The following UNC13C variants were observed in gnomAD, a reference collection of about 807,000 sequenced individuals.
UNC13C encodes unc-13 homolog C, also known as protein unc-13 homolog C.
Under a neutral mutation model 245.4 loss-of-function variants are expected in UNC13C, and 174 were observed. That is an observed-to-expected ratio of 0.71 (90% confidence interval 0.63 to 0.80). The LOEUF (loss-of-function observed/expected upper bound fraction) is 0.80. Ranked by LOEUF, UNC13C falls within the 30% of genes least tolerant of loss-of-function variation. The pLI, the probability that UNC13C is intolerant of heterozygous loss-of-function variation, is 0.00. For missense variants in UNC13C, 2,829 were observed against 2,602.9 expected, an observed-to-expected ratio of 1.09 and a Z score of -1.89; for synonymous variants, 992 against 895.1, an observed-to-expected ratio of 1.11 and a Z score of -1.93.
the UNC13C span, among the ~76,000 whole-genome samples, chr15:53,916,524 T>C: frequency 6.6e-5 from 10 of 152,118 alleles, no homozygotes; most frequent in Admixed American, 5.9e-4. Context: ...GACTTGTAAG[T>C]TGAAAGAAAA....
intron 19 of UNC13C, among the ~76,000 whole-genome samples, chr15:54,482,156 G>A (rs1436102954): frequency 1.3e-5 from 2 of 152,108 alleles, no homozygotes; most frequent in East Asian, 3.9e-4. Context: ...TGGAAACTCA[G>A]CTGCACTGCC....
intron 21 of UNC13C, 62 bp downstream of exon 21, chr15:54,500,237 AC>A: frequency 8.4e-7 from 1 of 1,191,200 alleles, no homozygotes; most frequent in Middle Eastern, 2.0e-4. Context: ...CTTACTTTTA[AC>A]CTAATGGGAA....
chr15:53,968,366 G>A, the UNC13C span, among the ~76,000 whole-genome samples: 1 of 152,130 alleles, frequency 6.6e-6, no homozygotes, highest in African/African-American at 2.4e-5. Flanking sequence ...CTGGCTATTG[G>A]AAGGCTTCTA....
chr15:54,085,822 CTG>C (rs1303705282), intron 2 of UNC13C, among the ~76,000 whole-genome samples: 1 of 151,992 alleles, frequency 6.6e-6, no homozygotes, highest in Non-Finnish European at 1.5e-5. Flanking sequence ...ATTTTAAGCT[CTG>C]TATTTTATTT....
At chr15:54,231,222 G>T (rs958607914) in intron 4 of UNC13C, among the ~76,000 whole-genome samples, 28 of 152,058 alleles carry the variant, frequency 1.8e-4, no homozygotes, top group Non-Finnish European at 3.7e-4. Flanking sequence ...TGGTACATGT[G>T]TCTTATTTCT....
the UNC13C span, among the ~76,000 whole-genome samples, chr15:53,933,186 C>T: frequency 3.9e-5 from 6 of 152,116 alleles, no homozygotes; most frequent in Non-Finnish European, 8.8e-5. Flanking sequence ...CCTGTTCTTC[C>T]TTCTCTAACC....
chr15:53,885,318 T>G, the UNC13C span, among the ~76,000 whole-genome samples: 1 of 152,096 alleles, frequency 6.6e-6, no homozygotes, highest in East Asian at 1.9e-4. Context: ...CCAGAACCTC[T>G]CTCTTCCAAA....
At chr15:54,058,627 C>G (rs7175554) in intron 2 of UNC13C, among the ~76,000 whole-genome samples, 35,440 of 152,052 alleles carry the variant, frequency 0.23, 5,536 homozygotes, top group African/African-American at 0.45. Context: ...CAGCATCATT[C>G]TGATACCAAA....
chr15:54,583,883 C>T (rs187301635), intron 30 of UNC13C, among the ~76,000 whole-genome samples: 2 of 152,340 alleles, frequency 1.3e-5, no homozygotes, highest in African/African-American at 4.8e-5. Context: ...ATAAGTCCTG[C>T]TTCCTACTTG....
chr15:54,551,387 G>A (rs975824759), intron 28 of UNC13C, among the ~76,000 whole-genome samples: 2 of 151,962 alleles, frequency 1.3e-5, no homozygotes, highest in African/African-American at 4.8e-5. Context: ...CAGTCACCAT[G>A]GTCTGAGAAG....
chr15:54,485,535 C>T (rs1300176512), intron 19 of UNC13C, among the ~76,000 whole-genome samples: 1 of 152,218 alleles, frequency 6.6e-6, no homozygotes, highest in Non-Finnish European at 1.5e-5. Flanking sequence ...CTTCTGCCTC[C>T]ACTTTCTCAT....
intron 13 of UNC13C, among the ~76,000 whole-genome samples, chr15:54,312,968 C>T (rs944543436): frequency 6.6e-6 from 1 of 151,872 alleles, no homozygotes; most frequent in African/African-American, 2.4e-5. Flanking sequence ...ATTTCCAATA[C>T]GGTTGTGATT....
intron 8 of UNC13C, among the ~76,000 whole-genome samples, chr15:54,262,120 T>C (rs2036442518): frequency 1.3e-5 from 2 of 152,244 alleles, no homozygotes; most frequent in African/African-American, 2.4e-5. Flanking sequence ...GAAAAATCTC[T>C]TTATATTCTA....
intron 2 of UNC13C, among the ~76,000 whole-genome samples, chr15:54,071,244 A>T (rs1898312930): frequency 6.6e-6 from 1 of 152,156 alleles, no homozygotes; most frequent in South Asian, 2.1e-4. Flanking sequence ...TAAATTGTGG[A>T]TAGCTATAAA....
At chr15:54,370,607 A>T (rs950662127) in intron 17 of UNC13C, among the ~76,000 whole-genome samples, 1 of 152,136 alleles carries the variant, frequency 6.6e-6, no homozygotes, top group African/African-American at 2.4e-5. Context: ...ATTAGTTTTG[A>T]TAAAACATGA....
intron 28 of UNC13C, 63 bp downstream of exon 28, chr15:54,549,754 C>A (rs1896651398): frequency 7.9e-6 from 8 of 1,006,328 alleles, no homozygotes; most frequent in South Asian, 3.4e-5. Flanking sequence ...GTTCTGCAAG[C>A]ATCCTCCTCC....
intron 4 of UNC13C, among the ~76,000 whole-genome samples, chr15:54,213,790 A>T (rs2140757445): frequency 6.6e-6 from 1 of 152,146 alleles, no homozygotes; most frequent in South Asian, 2.1e-4. Flanking sequence ...TTTGTAGCAG[A>T]TAGGTAGATT....
intron 2 of UNC13C, among the ~76,000 whole-genome samples, chr15:54,105,265 C>T (rs1041560686): frequency 2.6e-5 from 4 of 152,022 alleles, no homozygotes; most frequent in South Asian, 2.1e-4. Flanking sequence ...TCTAACTGCC[C>T]GTGATGGTGA....
chr15:54,452,248 C>A (rs541496989), intron 19 of UNC13C, among the ~76,000 whole-genome samples: 1 of 152,176 alleles, frequency 6.6e-6, no homozygotes, highest in African/African-American at 2.4e-5. Flanking sequence ...TCTTGGGTCT[C>A]CACTTGGTTT....
Sources: allele counts gnomAD v4.1 joint callset (sites outside exome capture counted in the v4.1 genomes callset), GRCh38; gene constraint gnomAD v4.1.1; transcripts MANE v1.5; gene names NCBI Gene and HGNC (gene_info 2026-07-23, HGNC 2026-07-21).